Variants in HMCN2 observed in about 807,000 individuals in gnomAD.
HMCN2 encodes hemicentin-2.
In HMCN2, 325 loss-of-function variants were observed where a neutral mutation model predicts 377.5. The ratio of observed to expected loss-of-function variants is 0.86; its 90% CI spans 0.79 to 0.94. The LOEUF (loss-of-function observed/expected upper bound fraction) is 0.94, where lower values mean the gene tolerates loss of function less well. HMCN2 is among the 40% of genes least tolerant of loss of function. The probability of loss-of-function intolerance (pLI) is 0.00; values close to 1 mark genes in which losing one functional copy is unlikely to be tolerated. For missense variants in HMCN2, 4,543 were observed against 4,725.3 expected, an observed-to-expected ratio of 0.96 and a Z score of 1.13; for synonymous variants, 2,007 against 2,046.8, an observed-to-expected ratio of 0.98 and a Z score of 0.53.
At chr9:130,277,997 C>CAT (rs1834863641) in intron 1 of HMCN2, among the ~76,000 whole-genome samples, 1 of 73,000 alleles carries the variant, frequency 1.4e-5, no homozygotes, top group Non-Finnish European at 2.9e-5. Context: ...ACGATCATCA[C>CAT]CACCACCACC....
Position 130,431,634 on chromosome 9 carries a change from G to A in HMCN2, c.14767+148G>A, listed in dbSNP as rs552035787. ...GGGGCGGGGAGGCAGGCTCAGAGGGGTTCTGTGAACACCCCAGGCTCCCAC... is the reference window on the plus strand; with the variant it reads ...GGGGCGGGGAGGCAGGCTCAGAGGGATTCTGTGAACACCCCAGGCTCCCAC... On this transcript the variant is annotated intron_variant, in intron 96 of 97. Coordinates refer to ENST00000683500, the MANE Select transcript of HMCN2 (RefSeq NM_001291815.2). The A allele has an allele frequency of 4.1e-6, 5 of 1,232,802 alleles. No homozygotes were observed. In the South Asian group the frequency reaches 7.7e-5, roughly 19 times the overall value. 76.4% of individuals were successfully genotyped at this position (1,232,802 alleles called of 1,614,324 possible).
chr9:130,355,794 T>C lies in HMCN2; in HGVS notation c.5195T>C (p.Ile1732Thr). 1 of 1,303,858 alleles carries C rather than the reference T, an allele frequency of 7.7e-7. No individual in the cohort carries two copies. Among genetic ancestry groups the C allele is most frequent in the South Asian group, 1.2e-5 (1 of 81,012 alleles). The allele number at this position is 1,303,858 out of a possible 1,614,324, so 80.8% of individuals were successfully genotyped here. The change falls in exon 33 of 98, where the codon ATC (isoleucine) becomes ACC (threonine). Residue 1732 changes from isoleucine (I) to threonine (T), a missense_variant. Transcript: ENST00000683500. ...VAEGLGQVTT[I>T]VGQPLELPCQ... ...GAAGGCTTGGGACAGGTGACCACCA[T>C]CGTGGGACAGCCCCTGGAACTTCCC...
At chr9:130,390,224 G>T (rs1468439963) in intron 62 of HMCN2, among the ~76,000 whole-genome samples, 1 of 152,192 alleles carries the variant, frequency 6.6e-6, no homozygotes, top group Non-Finnish European at 1.5e-5. Flanking sequence ...TCTCAGCGGA[G>T]ATTCACCACC....
At chr9:130,433,137 G>A (rs565690908) in intron 97 of HMCN2, 66 of 486,324 alleles carry the variant, frequency 1.4e-4, no homozygotes, top group African/African-American at 1.1e-3. Flanking sequence ...GAAAGGGCAG[G>A]CCTCTGGCTT....
At chr9:130,381,279 C>T (rs996818366) in intron 54 of HMCN2, among the ~76,000 whole-genome samples, 1 of 152,204 alleles carries the variant, frequency 6.6e-6, no homozygotes. Flanking sequence ...CGGCCAGCCC[C>T]AGCCTAGAAT....
chr9:130,432,698 G>A, intron 97 of HMCN2, 143 bp downstream of exon 97: 1 of 861,380 alleles, frequency 1.2e-6, no homozygotes, highest in Non-Finnish European at 1.8e-6. Flanking sequence ...GCAGGGAGAG[G>A]CCAGAGTGGG....
At chr9:130,373,197 G>A (rs1841134674) in intron 48 of HMCN2, 73 bp downstream of exon 48, 1 of 513,746 alleles carries the variant, frequency 1.9e-6, no homozygotes, top group Non-Finnish European at 2.5e-6. Context: ...GGATCCCTGG[G>A]GATCTGCCCA....
At chr9:130,432,648 C>T in intron 97 of HMCN2, 93 bp downstream of exon 97, 1 of 1,344,172 alleles carries the variant, frequency 7.4e-7, no homozygotes, top group Non-Finnish European at 1.0e-6. Flanking sequence ...TGTCACTCCC[C>T]ACACAAGTGA....
intron 34 of HMCN2, among the ~76,000 whole-genome samples, chr9:130,357,395 T>G (rs563400810): frequency 2.2e-4 from 32 of 147,642 alleles, no homozygotes; most frequent in African/African-American, 6.6e-4. Flanking sequence ...GGTGGATGGA[T>G]GGATGGAGGG....
intron 51 of HMCN2, among the ~76,000 whole-genome samples, 199 bp from the exon 52 acceptor site, chr9:130,376,317 C>T (rs1588342931): frequency 6.6e-6 from 1 of 152,212 alleles, no homozygotes; most frequent in Non-Finnish European, 1.5e-5. Context: ...ATTCCCTTGC[C>T]TCAGACCTGC....
intron 41 of HMCN2, among the ~76,000 whole-genome samples, 166 bp downstream of exon 41, chr9:130,365,055 C>T (rs1588317570): frequency 2.0e-5 from 3 of 152,370 alleles, no homozygotes; most frequent in African/African-American, 7.2e-5. Flanking sequence ...GCCCCTGACT[C>T]AGCTGAGTGG....
intron 18 of HMCN2, 123 bp from the exon 19 acceptor site, chr9:130,321,664 C>T (rs1380031289): frequency 6.6e-6 from 1 of 152,250 alleles, no homozygotes; most frequent in Non-Finnish European, 1.5e-5. Context: ...CTCTGAGCCC[C>T]CGGGCTCTCA....
intron 1 of HMCN2, among the ~76,000 whole-genome samples, chr9:130,271,216 C>A (rs1834389127): frequency 6.7e-6 from 1 of 148,828 alleles, no homozygotes; most frequent in Non-Finnish European, 1.5e-5. Context: ...TCAGATTTCT[C>A]CACTATAGAG....
rs1030104614 is a variant in HMCN2, at chr9:130,433,474, C to T, written c.15021C>T (p.Ser5007=). ...HHDVARLTAF[S]EVGVPANRTE... is the part of the protein sequence containing the mutation. ...ACGTGGCCCGCCTCACCGCCTTCTC[C>T]GAGGTCGGCGTCCCCGCCAACCGCA... The change falls in exon 98 of 98, where the codon TCC becomes TCT. Residue 5007 remains serine (S), a synonymous_variant. Coordinates refer to ENST00000683500, the MANE Select transcript of HMCN2 (RefSeq NM_001291815.2). 6 of 1,499,808 alleles carry T rather than the reference C, an allele frequency of 4.0e-6. 1 individual carries two copies. Among genetic ancestry groups the T allele is most frequent in the South Asian group, 2.5e-5 (2 of 79,966 alleles). The allele number at this position is 1,499,808 out of a possible 1,614,324, so 92.9% of individuals were successfully genotyped here.
intron 22 of HMCN2, among the ~76,000 whole-genome samples, chr9:130,335,921 A>C (rs2131456283): frequency 1.3e-5 from 2 of 151,902 alleles, no homozygotes; most frequent in South Asian, 4.2e-4. Flanking sequence ...CCCAATTCCT[A>C]CCTCCTCCAT....
At chr9:130,418,480 G>A (rs68041730) in intron 85 of HMCN2, among the ~76,000 whole-genome samples, 7,577 of 152,244 alleles carry the variant, frequency 0.05, 339 homozygotes, top group African/African-American at 0.12. Context: ...CCAGGAGGCA[G>A]AGATTGCAGT....
At chr9:130,342,901 C>T (rs1026561288) in intron 25 of HMCN2, among the ~76,000 whole-genome samples, 13 of 152,290 alleles carry the variant, frequency 8.5e-5, no homozygotes, top group Middle Eastern at 3.4e-3. Context: ...GGCAGGAGCA[C>T]GGTGTGGGGC....
chr9:130,344,379 T>G, intron 25 of HMCN2, among the ~76,000 whole-genome samples: 1 of 150,908 alleles, frequency 6.6e-6, no homozygotes, highest in Non-Finnish European at 1.5e-5. Context: ...GTGTGTGGTG[T>G]TTGGCATGTA....
chr9:130,301,396 A>T (rs1470337046), intron 8 of HMCN2, among the ~76,000 whole-genome samples: 2 of 152,232 alleles, frequency 1.3e-5, no homozygotes, highest in Non-Finnish European at 2.9e-5. Context: ...GCTCTAGATT[A>T]AAGTTGGGGA....
Sources: gnomAD v4.1 joint callset for allele counts (sites outside exome capture counted in the v4.1 genomes callset) on GRCh38, gnomAD v4.1.1 for gene constraint, MANE v1.5 for transcripts, NCBI Gene and HGNC (gene_info 2026-07-23, HGNC 2026-07-21) for gene names.